Variants in DNAJC5B observed in about 807,000 individuals in gnomAD.
DNAJC5B encodes the protein DnaJ heat shock protein family (Hsp40) member C5 beta.
In DNAJC5B, 23 loss-of-function variants were observed where a neutral mutation model predicts 24.7. The ratio of observed to expected loss-of-function variants is 0.93; its 90% CI spans 0.67 to 1.32. The LOEUF is 1.32. DNAJC5B is among the 40% of genes most tolerant of loss of function. The pLI, the probability that DNAJC5B is intolerant of heterozygous loss-of-function variation, is 0.00. For missense variants in DNAJC5B, 238 were observed against 240.8 expected (o/e 0.99, Z 0.08); for synonymous variants, 101 against 90.1 (o/e 1.12, Z -0.68).
rs528549270 is a variant in DNAJC5B, at chr8:66,076,731, T to G, written c.191T>G (p.Ile64Ser). The G allele has an allele frequency of 3.0e-5, 48 of 1,613,942 alleles. No individual in the cohort carries two copies. The Admixed American group carries it at 6.7e-4, about 22-fold the overall frequency. ...DPAATEKFKE[I>S]NNAHAILTDI... Reference sequence around the variant, plus strand: ...GCTGCTACTGAGAAGTTTAAAGAAATCAACAACGCCCACGCAATACTTACC... The same window carrying G: ...GCTGCTACTGAGAAGTTTAAAGAAAGCAACAACGCCCACGCAATACTTACC... Residue 64 changes from isoleucine (I) to serine (S), a missense_variant, in exon 4 of 6, where the codon ATC (isoleucine) becomes AGC (serine). Coordinates refer to ENST00000276570, the MANE Select transcript of DNAJC5B (RefSeq NM_033105.6).
intron 4 of DNAJC5B, among the ~76,000 whole-genome samples, chr8:66,078,085 G>A (rs76401140): frequency 6.6e-6 from 1 of 152,302 alleles, no homozygotes; most frequent in East Asian, 1.9e-4. Context: ...AGATACTGCA[G>A]AGGCAGGTCC....
intron 2 of DNAJC5B, among the ~76,000 whole-genome samples, chr8:66,050,417 C>A (rs1034698443): frequency 6.6e-6 from 1 of 152,164 alleles, no homozygotes; most frequent in African/African-American, 2.4e-5. Context: ...ACAACCGGAG[C>A]CAGGAACTGA....
At chr8:66,030,886 C>T (rs1334248851) in intron 1 of DNAJC5B, among the ~76,000 whole-genome samples, 1 of 152,298 alleles carries the variant, frequency 6.6e-6, no homozygotes, top group South Asian at 2.1e-4. Flanking sequence ...ATCTGCCTAC[C>T]TCGTCCTCCC....
chr8:66,052,913 T>C (rs543511609), intron 3 of DNAJC5B, among the ~76,000 whole-genome samples: 11 of 152,032 alleles, frequency 7.2e-5, no homozygotes, highest in African/African-American at 2.7e-4. Flanking sequence ...AGAGTGCTTG[T>C]TTGTTTGCTT....
At chr8:66,040,249 G>C (rs1016435190) in intron 1 of DNAJC5B, among the ~76,000 whole-genome samples, 1 of 152,120 alleles carries the variant, frequency 6.6e-6, no homozygotes, top group African/African-American at 2.4e-5. Context: ...AATTAGCCAG[G>C]AGTGGTGACA....
chr8:66,063,769 T>A (rs1807132915), intron 3 of DNAJC5B, among the ~76,000 whole-genome samples: 1 of 152,250 alleles, frequency 6.6e-6, no homozygotes, highest in Non-Finnish European at 1.5e-5. Flanking sequence ...GAGAGATGAA[T>A]ATACATATAA....
At chr8:66,018,336 G>A (rs1806014541), upstream of DNAJC5B, among the ~76,000 whole-genome samples, 1 of 151,706 alleles carries the variant, frequency 6.6e-6, no homozygotes, top group Non-Finnish European at 1.5e-5. Flanking sequence ...GGCCAAAATG[G>A]TGAAACTCCA....
chr8:66,096,666 C>T (rs776912041), intron 5 of DNAJC5B, among the ~76,000 whole-genome samples: 74 of 152,004 alleles, frequency 4.9e-4, no homozygotes, highest in Non-Finnish European at 6.5e-4. Flanking sequence ...TTATTTTGTC[C>T]ATTAAAATAT....
intron 3 of DNAJC5B, chr8:66,056,491 C>T (rs1383114682): frequency 2.0e-5 from 3 of 152,218 alleles, no homozygotes; most frequent in African/African-American, 7.2e-5. Context: ...CACCTAAAGG[C>T]ACCTGGCTCC....
At chr8:66,084,120 C>T (rs545853634) in intron 5 of DNAJC5B, among the ~76,000 whole-genome samples, 1 of 152,242 alleles carries the variant, frequency 6.6e-6, no homozygotes, top group South Asian at 2.1e-4. Flanking sequence ...GTTAGATTCA[C>T]GTTTATACTC....
intron 3 of DNAJC5B, among the ~76,000 whole-genome samples, chr8:66,069,894 G>C (rs1364139207): frequency 6.6e-6 from 1 of 152,200 alleles, no homozygotes; most frequent in African/African-American, 2.4e-5. Flanking sequence ...AGGATGCAAG[G>C]CTGCTTCAAC....
intron 2 of DNAJC5B, among the ~76,000 whole-genome samples, chr8:66,045,933 G>T (rs1191845915): frequency 6.6e-6 from 1 of 152,176 alleles, no homozygotes; most frequent in African/African-American, 2.4e-5. Context: ...CAGTAAAAGT[G>T]CTGCCCAACG....
At chr8:66,026,214 G>T (rs1354269073) in intron 1 of DNAJC5B, among the ~76,000 whole-genome samples, 1 of 147,296 alleles carries the variant, frequency 6.8e-6, no homozygotes, top group African/African-American at 2.6e-5. Flanking sequence ...TCATGATTTG[G>T]CTCTCTGTTT....
At chr8:66,045,233 T>C (rs538254166) in intron 2 of DNAJC5B, among the ~76,000 whole-genome samples, 2 of 152,336 alleles carry the variant, frequency 1.3e-5, no homozygotes, top group Non-Finnish European at 2.9e-5. Context: ...CAACTATCTT[T>C]TGCTTGCATT....
chr8:66,047,690 G>T (rs1238671141), intron 2 of DNAJC5B, among the ~76,000 whole-genome samples: 1 of 152,114 alleles, frequency 6.6e-6, no homozygotes, highest in African/African-American at 2.4e-5. Context: ...CAGCTCTTAA[G>T]ACTTTTATGG....
intron 3 of DNAJC5B, among the ~76,000 whole-genome samples, chr8:66,055,985 C>G (rs1806954232): frequency 6.6e-6 from 1 of 152,066 alleles, no homozygotes; most frequent in Admixed American, 6.6e-5. Context: ...TTCAGAACTT[C>G]CAGTCTAAGA....
chr8:66,065,965 C>T (rs1369343717), intron 3 of DNAJC5B, among the ~76,000 whole-genome samples: 1 of 152,136 alleles, frequency 6.6e-6, no homozygotes, highest in Non-Finnish European at 1.5e-5. Context: ...TCCATCTTAT[C>T]AAAAGCCAGC....
chr8:66,093,418 A>G (rs1807888013), intron 5 of DNAJC5B, among the ~76,000 whole-genome samples: 1 of 152,178 alleles, frequency 6.6e-6, no homozygotes, highest in Non-Finnish European at 1.5e-5. Flanking sequence ...CCCTGATGGT[A>G]AATGTGTGAC....
chr8:66,018,927 G>A (rs548314613), upstream of DNAJC5B, among the ~76,000 whole-genome samples: 6 of 152,346 alleles, frequency 3.9e-5, no homozygotes, highest in Admixed American at 1.3e-4. Context: ...CACTTAGCCT[G>A]CAGAGTGCCT....
Sources: allele counts gnomAD v4.1 joint callset (sites outside exome capture counted in the v4.1 genomes callset), GRCh38; gene constraint gnomAD v4.1.1; transcripts MANE v1.5; gene names NCBI Gene and HGNC (gene_info 2026-07-23, HGNC 2026-07-21).